SRRM4: variants seen among roughly 807,000 people sequenced by gnomAD.
SRRM4 encodes the protein serine/arginine repetitive matrix 4.
SRRM4 carries 33 observed loss-of-function variants against 68.9 expected under a neutral mutation model. The observed-to-expected ratio is 0.48, with a 90% CI of 0.36 to 0.64. The LOEUF is 0.64. Among genes scored for constraint, SRRM4 ranks in the 30% least tolerant of loss-of-function variants. The probability of loss-of-function intolerance (pLI) is 0.00; values close to 1 mark genes in which losing one functional copy is unlikely to be tolerated. For synonymous variants in SRRM4, 318 were observed against 318.8 expected (o/e 1.00, Z 0.03); for missense variants, 817 against 827.1 (o/e 0.99, Z 0.15).
intron 1 of SRRM4, among the ~76,000 whole-genome samples, chr12:119,048,186 T>C (rs1417915469): frequency 1.3e-5 from 2 of 152,160 alleles, no homozygotes; most frequent in African/African-American, 4.8e-5. Flanking sequence ...GTGGGGACAC[T>C]GGATCTCAGG....
intron 1 of SRRM4, among the ~76,000 whole-genome samples, chr12:119,022,267 C>T (rs557550679): frequency 9.9e-5 from 15 of 152,202 alleles, no homozygotes; most frequent in African/African-American, 2.6e-4. Flanking sequence ...CACTTGACTC[C>T]GATGATTTCA....
intron 1 of SRRM4, among the ~76,000 whole-genome samples, chr12:119,076,592 T>C (rs908371014): frequency 2.0e-5 from 3 of 152,196 alleles, no homozygotes; most frequent in African/African-American, 4.8e-5. Flanking sequence ...AAGTAAGAAA[T>C]GTAATAAAAG....
At chr12:119,112,799 T>C (rs1217723332) in intron 2 of SRRM4, among the ~76,000 whole-genome samples, 1 of 151,948 alleles carries the variant, frequency 6.6e-6, no homozygotes, top group African/African-American at 2.4e-5. Flanking sequence ...CTGGGGCCTG[T>C]TGGGGGAGAG....
chr12:119,105,672 A>AT (rs1308269996), intron 2 of SRRM4, among the ~76,000 whole-genome samples: 3 of 151,438 alleles, frequency 2.0e-5, no homozygotes, highest in African/African-American at 4.8e-5. Flanking sequence ...GGGTTGTTTG[A>AT]TTTTTTTCTT....
chr12:119,061,561 A>T (rs890392651), intron 1 of SRRM4, among the ~76,000 whole-genome samples: 2 of 152,150 alleles, frequency 1.3e-5, no homozygotes, highest in Non-Finnish European at 2.9e-5. Flanking sequence ...GCTATTGAAA[A>T]GTTCTGTGTA....
At chr12:119,122,237 C>A in intron 6 of SRRM4, 117 bp downstream of exon 6, 1 of 434,000 alleles carries the variant, frequency 2.3e-6, no homozygotes, top group South Asian at 3.2e-5. Flanking sequence ...AGAAGGTGAG[C>A]GGGTGAAAGG....
intron 1 of SRRM4, among the ~76,000 whole-genome samples, chr12:119,070,746 T>A (rs575344592): frequency 5.1e-4 from 77 of 152,336 alleles, no homozygotes; most frequent in South Asian, 2.3e-3. Context: ...ATTCAGTTCA[T>A]CCCGTTTTAT....
intron 1 of SRRM4, among the ~76,000 whole-genome samples, chr12:119,049,308 C>T (rs1234545949): frequency 2.0e-5 from 3 of 152,098 alleles, no homozygotes; most frequent in Non-Finnish European, 2.9e-5. Flanking sequence ...AAAGTGTATC[C>T]CAGGCACATA....
At chr12:119,074,686 G>A (rs957430125) in intron 1 of SRRM4, among the ~76,000 whole-genome samples, 1 of 152,120 alleles carries the variant, frequency 6.6e-6, no homozygotes, top group South Asian at 2.1e-4. Flanking sequence ...AATCTGAGAT[G>A]ACATCGATCA....
chr12:119,061,544 A>G (rs1953812480), intron 1 of SRRM4, among the ~76,000 whole-genome samples: 1 of 152,114 alleles, frequency 6.6e-6, no homozygotes, highest in African/African-American at 2.4e-5. Context: ...ACTTTTACGG[A>G]ATGCGTGCTA....
At chr12:119,102,098 T>C in intron 1 of SRRM4, 138 bp from the exon 2 acceptor site, 7 of 800,318 alleles carry the variant, frequency 8.7e-6, no homozygotes, top group Non-Finnish European at 1.2e-5. Flanking sequence ...TTAGAGACCA[T>C]TGGCCAAAGA....
At chr12:119,122,296 A>C (rs545339744) in intron 6 of SRRM4, among the ~76,000 whole-genome samples, 176 bp downstream of exon 6, 2 of 89,098 alleles carry the variant, frequency 2.2e-5, no homozygotes, top group African/African-American at 7.1e-5. Context: ...GGAAGGCAGG[A>C]AGGAAGGAAG....
intron 1 of SRRM4, chr12:119,000,832 C>T (rs1332559914): frequency 1.3e-5 from 2 of 152,128 alleles, no homozygotes; most frequent in Admixed American, 1.3e-4. Context: ...AATGGGGGAA[C>T]CTGGGAGGCA....
intron 1 of SRRM4, among the ~76,000 whole-genome samples, chr12:119,033,662 C>CAAA (rs34508021): frequency 2.9e-5 from 4 of 139,652 alleles, no homozygotes; most frequent in East Asian, 4.3e-4. Context: ...GACTCCATCT[C>CAAA]AAAAAAAAAA....
At chr12:119,103,747 A>T (rs1464000938) in intron 2 of SRRM4, among the ~76,000 whole-genome samples, 1 of 152,252 alleles carries the variant, frequency 6.6e-6, no homozygotes, top group Non-Finnish European at 1.5e-5. Context: ...TCACGCCTGT[A>T]ATCCCAACAC....
chr12:118,983,718 G>A (rs1953264611), intron 1 of SRRM4, among the ~76,000 whole-genome samples: 1 of 152,180 alleles, frequency 6.6e-6, no homozygotes, highest in Non-Finnish European at 1.5e-5. Context: ...ATTCAGGAAA[G>A]CACACCTATT....
intron 2 of SRRM4, among the ~76,000 whole-genome samples, chr12:119,111,072 T>A (rs938382171): frequency 6.6e-6 from 1 of 152,186 alleles, no homozygotes; most frequent in African/African-American, 2.4e-5. Context: ...TAACTACCAT[T>A]TGTTTAACCA....
intron 1 of SRRM4, among the ~76,000 whole-genome samples, chr12:119,016,682 C>A (rs369895872): frequency 1.2e-4 from 19 of 152,162 alleles, no homozygotes; most frequent in African/African-American, 3.6e-4. Flanking sequence ...CCACTGAGTG[C>A]CATTTACTTT....
chr12:119,016,227 T>C (rs1164966707), intron 1 of SRRM4, among the ~76,000 whole-genome samples: 2 of 152,100 alleles, frequency 1.3e-5, no homozygotes, highest in African/African-American at 4.8e-5. Context: ...TAACAACACC[T>C]TGATTTTGGA....
Sources: gnomAD v4.1 joint callset for allele counts (sites outside exome capture counted in the v4.1 genomes callset) on GRCh38, gnomAD v4.1.1 for gene constraint, MANE v1.5 for transcripts, NCBI Gene and HGNC (gene_info 2026-07-23, HGNC 2026-07-21) for gene names.